Variants in SPAG17 observed in about 807,000 individuals in gnomAD.
The protein encoded by SPAG17 is sperm associated antigen 17.
In SPAG17, 169 loss-of-function variants were observed where a neutral mutation model predicts 273.6. That is an observed-to-expected ratio of 0.62 (90% CI 0.55 to 0.70). The LOEUF (loss-of-function observed/expected upper bound fraction) is 0.70. Ranked by LOEUF, SPAG17 falls within the 30% of genes least tolerant of loss-of-function variation. The probability of loss-of-function intolerance (pLI) is 0.00; values close to 1 mark genes in which losing one functional copy is unlikely to be tolerated. For missense variants in SPAG17, 2,557 were observed against 2,627.8 expected (o/e 0.97, Z 0.59); for synonymous variants, 825 against 873.2 (o/e 0.94, Z 0.97).
intron 3 of SPAG17, among the ~76,000 whole-genome samples, chr1:118,141,916 T>C (rs1558041178): frequency 6.6e-6 from 1 of 152,216 alleles, no homozygotes; most frequent in Non-Finnish European, 1.5e-5. Context: ...ACTAGTATAA[T>C]GGGACACTGC....
At chr1:117,997,178 G>A (rs1657755422) in intron 32 of SPAG17, among the ~76,000 whole-genome samples, 1 of 152,016 alleles carries the variant, frequency 6.6e-6, no homozygotes, top group African/African-American at 2.4e-5. Context: ...GAATACATTG[G>A]GAAATAGATT....
At chr1:117,955,445 TA>T in intron 48 of SPAG17, 1 of 1,244,312 alleles carries the variant, frequency 8.0e-7, no homozygotes, top group African/African-American at 1.5e-5. Flanking sequence ...ATAGAAATTA[TA>T]ATTGATGGTT....
At chr1:118,173,470 C>A (rs1660510649) in intron 1 of SPAG17, among the ~76,000 whole-genome samples, 1 of 152,084 alleles carries the variant, frequency 6.6e-6, no homozygotes, top group Non-Finnish European at 1.5e-5. Flanking sequence ...GCTCGAAACT[C>A]AGGCTGGCAG....
rs772371276 is a variant in SPAG17, at chr1:118,180,555, CTATCA to C, written c.87+4511_87+4515del. On this transcript the variant is annotated intron_variant, in intron 1 of 48. Coordinates refer to ENST00000336338, the MANE Select transcript of SPAG17 (RefSeq NM_206996.4). Reference sequence around the variant, plus strand: ...TAGAGTGACTATAATTTACAATAATCTATCATATATTTCAAAAAAGCTAGAAGAGA... The same window carrying C: ...TAGAGTGACTATAATTTACAATAATCTATATTTCAAAAAAGCTAGAAGAGA... 1.8e-4 allele frequency among the ~76,000 whole-genome samples: 27 copies of C among 152,020 alleles called. No homozygotes were observed. The East Asian group carries it at 5.2e-3, about 29-fold the overall frequency.
intron 3 of SPAG17, among the ~76,000 whole-genome samples, chr1:118,137,861 G>T (rs1325542361): frequency 2.0e-5 from 3 of 152,034 alleles, no homozygotes; most frequent in Non-Finnish European, 4.4e-5. Flanking sequence ...GTTTACTTTG[G>T]TATTTCTTCT....
intron 13 of SPAG17, 37 bp from the exon 14 acceptor site, chr1:118,081,679 CTTA>C: frequency 6.5e-7 from 1 of 1,544,482 alleles, no homozygotes; most frequent in Non-Finnish European, 8.9e-7. Flanking sequence ...TGGAAATGTT[CTTA>C]TTAGCACATG....
intron 23 of SPAG17, among the ~76,000 whole-genome samples, chr1:118,038,143 C>T (rs1218116133): frequency 6.6e-6 from 1 of 152,110 alleles, no homozygotes; most frequent in Non-Finnish European, 1.5e-5. Flanking sequence ...GACACTTCAC[C>T]AAGGAAGAGA....
chr1:117,991,052 G>A (rs987770794), intron 37 of SPAG17, 146 bp from the exon 38 acceptor site: 2 of 464,638 alleles, frequency 4.3e-6, no homozygotes, highest in South Asian at 6.0e-5. Flanking sequence ...AATTTTTCTA[G>A]GTCATTCTTT....
At chr1:118,068,395 TG>T (rs1653203245) in intron 17 of SPAG17, among the ~76,000 whole-genome samples, 1 of 152,134 alleles carries the variant, frequency 6.6e-6, no homozygotes, top group African/African-American at 2.4e-5. Flanking sequence ...TACTTACTGA[TG>T]TTTTTTTGAA....
intron 26 of SPAG17, among the ~76,000 whole-genome samples, chr1:118,027,773 A>C (rs1334220205): frequency 6.6e-6 from 1 of 152,244 alleles, no homozygotes; most frequent in Admixed American, 6.5e-5. Context: ...AAAATTATAT[A>C]TAGATACATG....
At chr1:118,003,532 A>T (rs1658544842) in intron 32 of SPAG17, among the ~76,000 whole-genome samples, 1 of 151,532 alleles carries the variant, frequency 6.6e-6, no homozygotes, top group African/African-American at 2.4e-5. Flanking sequence ...TTTTTACTCT[A>T]AATTTCTTTT....
chr1:118,034,747 A>C (rs967742584), intron 24 of SPAG17, among the ~76,000 whole-genome samples: 4 of 152,188 alleles, frequency 2.6e-5, no homozygotes, highest in Admixed American at 2.6e-4. Flanking sequence ...TCTCTATGGG[A>C]AAATAGATGG....
intron 1 of SPAG17, among the ~76,000 whole-genome samples, chr1:118,180,226 A>G (rs1344374762): frequency 1.3e-5 from 2 of 152,070 alleles, no homozygotes; most frequent in South Asian, 2.1e-4. Context: ...AATAAAGAAA[A>G]CTGTATATAT....
At chr1:118,106,449 G>A (rs1036038811) in intron 4 of SPAG17, among the ~76,000 whole-genome samples, 1 of 152,086 alleles carries the variant, frequency 6.6e-6, no homozygotes, top group Non-Finnish European at 1.5e-5. Context: ...GGTTTGTAAG[G>A]CACAAGTCAG....
At chr1:118,168,086 C>T (rs1660254448) in intron 1 of SPAG17, among the ~76,000 whole-genome samples, 1 of 152,120 alleles carries the variant, frequency 6.6e-6, no homozygotes, top group African/African-American at 2.4e-5. Flanking sequence ...GCCAATTAAG[C>T]TTATTTTCTT....
intron 18 of SPAG17, among the ~76,000 whole-genome samples, chr1:118,060,190 T>G (rs1202539761): frequency 6.6e-6 from 1 of 152,148 alleles, no homozygotes; most frequent in Admixed American, 6.5e-5. Flanking sequence ...ATCTTTCATG[T>G]GTTTATTATA....
intron 4 of SPAG17, among the ~76,000 whole-genome samples, chr1:118,106,060 A>G (rs375871842): frequency 1.3e-5 from 2 of 152,156 alleles, no homozygotes; most frequent in East Asian, 1.9e-4. Flanking sequence ...GAGGTACTAC[A>G]TAAGTTTCTG....
rs183328726 is a variant in SPAG17 at position 117,986,896 on chromosome 1, T to C, written c.5669+938A>G. Among the ~76,000 whole-genome samples, 289 of 152,276 alleles carry C rather than the reference T, an allele frequency of 1.9e-3. 1 individual carries two copies. Among genetic ancestry groups the C allele is most frequent in the Non-Finnish European group, 3.4e-3 (229 of 68,008 alleles). ...AAACCTAGAAAGGATTTTCTGACCT[T>C]CCCCTGAAGCAGCTCATAAGACTCT... On this transcript the variant is annotated intron_variant, in intron 40 of 48. Transcript: ENST00000336338.
chr1:117,987,067 T>C (rs905629189), intron 40 of SPAG17, among the ~76,000 whole-genome samples: 1 of 152,196 alleles, frequency 6.6e-6, no homozygotes, highest in East Asian at 1.9e-4. Context: ...TGCCCTATCA[T>C]ATTTCTCCAT....
Sources: gnomAD v4.1 joint callset for allele counts (sites outside exome capture counted in the v4.1 genomes callset) on GRCh38, gnomAD v4.1.1 for gene constraint, MANE v1.5 for transcripts, NCBI Gene and HGNC (gene_info 2026-07-23, HGNC 2026-07-21) for gene names.